The following DYNC1I2 variants were observed in gnomAD, a reference collection of about 807,000 sequenced individuals.
DYNC1I2 encodes the protein cytoplasmic dynein 1 intermediate chain 2.
DYNC1I2 carries 53 observed loss-of-function variants against 88.6 expected under a neutral mutation model. That is an observed-to-expected ratio of 0.60 (90% confidence interval 0.48 to 0.75). The LOEUF (loss-of-function observed/expected upper bound fraction) is 0.75, where lower values mean the gene tolerates loss of function less well. Ranked by LOEUF, DYNC1I2 falls within the 30% of genes least tolerant of loss-of-function variation. The pLI, the probability that DYNC1I2 is intolerant of heterozygous loss-of-function variation, is 0.00. For missense variants in DYNC1I2, 458 were observed against 766.6 expected (o/e 0.60, Z 4.75); for synonymous variants, 198 against 254.6 (o/e 0.78, Z 2.12).
intron 15 of DYNC1I2, among the ~76,000 whole-genome samples, chr2:171,731,855 T>C (rs1284932521): frequency 6.6e-6 from 1 of 152,168 alleles, no homozygotes; most frequent in Non-Finnish European, 1.5e-5. Context: ...AAATAAAAAT[T>C]TGTAAGATAC....
intron 17 of DYNC1I2, among the ~76,000 whole-genome samples, 162 bp from the exon 18 acceptor site, chr2:171,747,614 G>A (rs887317968): frequency 6.6e-6 from 1 of 152,112 alleles, no homozygotes; most frequent in African/African-American, 2.4e-5. Context: ...CTTTTGTTTT[G>A]AAATGTTGTA....
intron 14 of DYNC1I2, among the ~76,000 whole-genome samples, chr2:171,729,224 C>G (rs1367363941): frequency 6.6e-6 from 1 of 152,092 alleles, no homozygotes; most frequent in Non-Finnish European, 1.5e-5. Flanking sequence ...AGTTCATTCT[C>G]CTGATAATTG....
intron 3 of DYNC1I2, among the ~76,000 whole-genome samples, chr2:171,703,761 TATTTAAATTTTA>T (rs749363753): frequency 2.0e-5 from 3 of 152,234 alleles, no homozygotes; most frequent in Admixed American, 1.3e-4. Flanking sequence ...AATAGGTAGT[TATTTAAATTTTA>T]ATATTCCGGG....
intron 6 of DYNC1I2, among the ~76,000 whole-genome samples, chr2:171,714,793 A>G (rs919814900): frequency 4.6e-5 from 7 of 152,224 alleles, no homozygotes; most frequent in African/African-American, 1.7e-4. Flanking sequence ...TAAAAGTTTT[A>G]AATATTTCAT....
At position 171,729,873 on chromosome 2, in the gene DYNC1I2, C is replaced by T. The variant is rs749672401; in HGVS notation, c.1536+20C>T. 6 of 1,612,446 alleles carry T rather than the reference C, an allele frequency of 3.7e-6. No individual in the cohort carries two copies. Among genetic ancestry groups the T allele is most frequent in the Non-Finnish European group, 2.5e-6 (3 of 1,179,102 alleles). ...ACTAAGGTATCTAAAATATAGATGT[C>T]TGCTATTTGCTCAGGTTTCTGACAC... On this transcript the variant is annotated intron_variant, in intron 15 of 17. Transcript: ENST00000397119.
chr2:171,714,006 A>G (rs1687312622), intron 6 of DYNC1I2, among the ~76,000 whole-genome samples: 1 of 152,144 alleles, frequency 6.6e-6, no homozygotes, highest in African/African-American at 2.4e-5. Flanking sequence ...TATGCATTCA[A>G]GTTGGTAATT....
Position 171,729,325 on chromosome 2 carries a change from T to C in DYNC1I2, c.1392-384T>C, listed in dbSNP as rs186074083. Among the ~76,000 whole-genome samples, 59 of 152,196 alleles carry C rather than the reference T, an allele frequency of 3.9e-4. 1 individual carries two copies. Among genetic ancestry groups the C allele is most frequent in the Admixed American group, 8.5e-4 (13 of 15,284 alleles). ...AATTGTCTAGCTGTACCTTATTGCT[T>C]CCTTAAAAAAAAATTGAGTGTCCAG... is the stretch of plus-strand genomic sequence containing the variant. On this transcript the variant is annotated intron_variant, in intron 14 of 17. Coordinates refer to ENST00000397119, the MANE Select transcript of DYNC1I2 (RefSeq NM_001378.3).
At chr2:171,717,857 G>A (rs1460812031) in intron 7 of DYNC1I2, among the ~76,000 whole-genome samples, 2 of 151,832 alleles carry the variant, frequency 1.3e-5, no homozygotes, top group Non-Finnish European at 2.9e-5. Flanking sequence ...CATACTTACT[G>A]GTACAATGCA....
Position 171,725,956 on chromosome 2 carries a change from A to G in DYNC1I2, c.645A>G (p.Gln215=), listed in dbSNP as rs745526239. The G allele has an allele frequency of 6.3e-7, 1 of 1,582,098 alleles. No homozygotes were observed. Among genetic ancestry groups the G allele is most frequent in the Non-Finnish European group, 8.5e-7 (1 of 1,171,390 alleles). The change falls in exon 9 of 18, where the codon CAA becomes CAG. Residue 215 remains glutamine, a synonymous_variant. Transcript: ENST00000397119. The stretch of plus-strand genomic sequence containing the variant: ...AGCTGACTGAAGAAGAAAAGCAACA[A>G]ATCTTGCACTCTGAGGAATTTTTAA... ...PHELTEEEKQ[Q]ILHSEEFLSF...
intron 2 of DYNC1I2, 100 bp from the exon 3 acceptor site, chr2:171,692,677 G>T (rs1685484497): frequency 1.4e-6 from 1 of 715,868 alleles, no homozygotes; most frequent in Non-Finnish European, 2.3e-6. Flanking sequence ...CTAAGTTCAT[G>T]CCTTAAAAGT....
chr2:171,695,342 G>A (rs917124037), intron 3 of DYNC1I2, among the ~76,000 whole-genome samples: 16 of 151,968 alleles, frequency 1.1e-4, no homozygotes, highest in Admixed American at 3.3e-4. Context: ...CTCATGATCC[G>A]CCTTCTTCGG....
chr2:171,713,336 C>T (rs985296643), intron 6 of DYNC1I2, among the ~76,000 whole-genome samples: 2 of 151,752 alleles, frequency 1.3e-5, no homozygotes, highest in African/African-American at 4.8e-5. Context: ...ATAGATTATT[C>T]ATAGAATGTA....
In DYNC1I2 at chr2:171,695,775, C is replaced by T. The variant is rs189529153; in HGVS notation, c.226+2881C>T. 1.5e-3 allele frequency among the ~76,000 whole-genome samples: 224 copies of T among 152,290 alleles called. 1 individual carries two copies. Among genetic ancestry groups the T allele is most frequent in the African/African-American group, 5.0e-3 (206 of 41,568 alleles). ...TAAGACTTAGCTTAATTAGGTTCTG[C>T]GTGTCACTCTCCAGAATGGCTACAA... On this transcript the variant is annotated intron_variant, in intron 3 of 17. Coordinates refer to ENST00000397119, the MANE Select transcript of DYNC1I2 (RefSeq NM_001378.3).
chr2:171,749,809 GA>G lies in DYNC1I2; in HGVS notation c.*1922del, dbSNP rs1255401326. 1.3e-5 allele frequency among the ~76,000 whole-genome samples: 2 copies of G among 152,030 alleles called. No homozygotes were observed. The highest frequency in any genetic ancestry group is 4.8e-5 in the African/African-American group (2 of 41,416). On this transcript the variant is annotated 3_prime_UTR_variant, in exon 18 of 18. Coordinates refer to ENST00000397119, the MANE Select transcript of DYNC1I2 (RefSeq NM_001378.3). ...TAGGAACACACAAATTTACTTTAAGGAATTACCTTTAAAGTTGACTATATAA... is the reference window on the plus strand; with the variant it reads ...TAGGAACACACAAATTTACTTTAAGGATTACCTTTAAAGTTGACTATATAA...
intron 12 of DYNC1I2, 149 bp from the exon 13 acceptor site, chr2:171,728,156 C>A: frequency 1.4e-6 from 1 of 738,962 alleles, no homozygotes; most frequent in Non-Finnish European, 2.1e-6. Context: ...CTCTCTTCTG[C>A]GACAACATTT....
intron 17 of DYNC1I2, among the ~76,000 whole-genome samples, chr2:171,746,360 G>T (rs114564311): frequency 0.023 from 3,438 of 152,286 alleles, 55 homozygotes; most frequent in Middle Eastern, 0.037. Flanking sequence ...TGTGCATCTT[G>T]ACTCTTAAGC....
Position 171,726,149 on chromosome 2 carries a change from A to G in DYNC1I2, c.771-45A>G. Reference sequence around the variant, plus strand: ...ATTACTTTAAGATTAAGAGTGATAAAAGTTATAACACCATCTTTTTGGGGG... The same window carrying G: ...ATTACTTTAAGATTAAGAGTGATAAGAGTTATAACACCATCTTTTTGGGGG... On this transcript the variant is annotated intron_variant, in intron 9 of 17. Transcript: ENST00000397119. 2.5e-6 allele frequency: 4 copies of G among 1,578,644 alleles called. No homozygotes were observed. In the South Asian group the frequency reaches 3.5e-5, roughly 14 times the overall value.
chr2:171,706,616 T>C (rs1686696178), intron 4 of DYNC1I2, 52 bp downstream of exon 4: 3 of 1,518,884 alleles, frequency 2.0e-6, no homozygotes, highest in Non-Finnish European at 2.7e-6. Flanking sequence ...CATCACTTTA[T>C]GTTATGCATA....
chr2:171,727,875 G>T lies in DYNC1I2; in HGVS notation c.1051G>T (p.Gly351Cys). 6.2e-7 allele frequency: 1 copy of T among 1,612,350 alleles called. No homozygotes were observed. Among genetic ancestry groups the T allele is most frequent in the East Asian group, 2.2e-5 (1 of 44,808 alleles). Residue 351 changes from glycine to cysteine, a missense_variant, in exon 12 of 18, where the codon GGT (glycine) becomes TGT (cysteine). Around this residue, in one of 5 missense-constraint regions of DYNC1I2, gnomAD observed 203 missense variants for 354.2 expected, o/e 0.57. Coordinates refer to ENST00000397119, the MANE Select transcript of DYNC1I2 (RefSeq NM_001378.3). ...AKFHPNLVVGGTYSGQIVLWD... is the reference protein window; with the variant it reads ...AKFHPNLVVGCTYSGQIVLWD... ...ATTTCATCCAAATCTTGTTGTTGGT[G>T]GTACATATTCAGGCCAAATTGTGCT...
Sources: allele counts gnomAD v4.1 joint callset (sites outside exome capture counted in the v4.1 genomes callset), GRCh38; gene constraint gnomAD v4.1.1; regional missense constraint gnomAD v4.1.1; transcripts MANE v1.5; gene names NCBI Gene and HGNC (gene_info 2026-07-23, HGNC 2026-07-21).